CFAP263: variants seen among roughly 807,000 people sequenced by gnomAD.
CFAP263 encodes the protein cilia- and flagella-associated protein 263.
At chr16:58,261,043 C>G in the CFAP263 span, among the ~76,000 whole-genome samples, 1 of 152,086 alleles carries the variant, frequency 6.6e-6, no homozygotes, top group Non-Finnish European at 1.5e-5. Context: ...TCTGAGCGGC[C>G]CCTACCTGGA....
chr16:58,266,488 G>T, the CFAP263 span, among the ~76,000 whole-genome samples: 1 of 129,146 alleles, frequency 7.7e-6, no homozygotes, highest in Non-Finnish European at 1.6e-5. Context: ...TGGCACAATT[G>T]CAGTCTTACA....
At chr16:58,277,119 T>C in the CFAP263 span, among the ~76,000 whole-genome samples, 1 of 152,116 alleles carries the variant, frequency 6.6e-6, no homozygotes, top group African/African-American at 2.4e-5. Flanking sequence ...AAAAGGATAA[T>C]GTTAAAATTT....
At chr16:58,252,960 G>C in the CFAP263 span, 3 of 1,086,110 alleles carry the variant, frequency 2.8e-6, no homozygotes, top group South Asian at 4.1e-5. Flanking sequence ...TTGACCATGG[G>C]ACCTTCTCCC....
the CFAP263 span, among the ~76,000 whole-genome samples, chr16:58,276,589 C>T: frequency 2.6e-5 from 4 of 152,114 alleles, no homozygotes; most frequent in Non-Finnish European, 5.9e-5. Context: ...CCAAATGTCC[C>T]CTTGGGGGCA....
the CFAP263 span, among the ~76,000 whole-genome samples, chr16:58,270,467 T>G: frequency 6.6e-6 from 1 of 152,080 alleles, no homozygotes; most frequent in Admixed American, 6.5e-5. Flanking sequence ...TTTTGCACTA[T>G]CTTAAAGTAA....
the CFAP263 span, among the ~76,000 whole-genome samples, chr16:58,266,648 C>T: frequency 4.0e-5 from 6 of 151,858 alleles, no homozygotes; most frequent in Non-Finnish European, 8.8e-5. Flanking sequence ...GTTGAGCAAG[C>T]TCCCCAAATC....
chr16:58,259,843 T>C, the CFAP263 span: 4 of 1,511,624 alleles, frequency 2.6e-6, no homozygotes, highest in Non-Finnish European at 3.7e-6. Flanking sequence ...AAATATGCCT[T>C]TATGTTTTAG....
At chr16:58,261,772 C>T in the CFAP263 span, among the ~76,000 whole-genome samples, 1 of 152,214 alleles carries the variant, frequency 6.6e-6, no homozygotes, top group African/African-American at 2.4e-5. Flanking sequence ...CAGCAGTTCC[C>T]AAGTTGGGCT....
chr16:58,263,895 C>T, the CFAP263 span, among the ~76,000 whole-genome samples: 5 of 152,156 alleles, frequency 3.3e-5, no homozygotes, highest in Non-Finnish European at 7.4e-5. Flanking sequence ...ATAAGGATTG[C>T]TTGAACCCCT....
chr16:58,254,006 C>T, the CFAP263 span: 4 of 1,614,174 alleles, frequency 2.5e-6, no homozygotes, highest in South Asian at 4.4e-5. Context: ...AGTTTCGAGG[C>T]AGGCGTAGAT....
At chr16:58,259,085 A>G in the CFAP263 span, among the ~76,000 whole-genome samples, 2 of 152,156 alleles carry the variant, frequency 1.3e-5, no homozygotes, top group African/African-American at 2.4e-5. Flanking sequence ...ACAGTACCTC[A>G]GATTGATCTC....
the CFAP263 span, among the ~76,000 whole-genome samples, chr16:58,273,204 T>C: frequency 3.9e-5 from 6 of 152,248 alleles, no homozygotes. Flanking sequence ...GAGCCCTTTG[T>C]ATGTGTAGCT....
the CFAP263 span, among the ~76,000 whole-genome samples, chr16:58,279,314 G>C: frequency 6.6e-6 from 1 of 152,130 alleles, no homozygotes; most frequent in South Asian, 2.1e-4. Context: ...TCTAGACCCT[G>C]GCTCCCATTT....
chr16:58,278,864 ACT>A, the CFAP263 span, among the ~76,000 whole-genome samples: 80 of 152,010 alleles, frequency 5.3e-4, no homozygotes, highest in African/African-American at 1.8e-3. Flanking sequence ...TCAGGGAGAA[ACT>A]CTGTAGTAAT....
the CFAP263 span, among the ~76,000 whole-genome samples, chr16:58,258,979 G>T: frequency 7.2e-6 from 1 of 138,354 alleles, no homozygotes; most frequent in Non-Finnish European, 1.5e-5. Flanking sequence ...CTCCGTCTCA[G>T]AAAAAATAAA....
At chr16:58,262,136 G>C in the CFAP263 span, among the ~76,000 whole-genome samples, 83,782 of 150,344 alleles carry the variant, frequency 0.56, 23,699 homozygotes, top group African/African-American at 0.63. Flanking sequence ...GCACCACACT[G>C]TTGAGTCAAT....
At chr16:58,262,276 C>CTGAA in the CFAP263 span, 2 of 1,010,680 alleles carry the variant, frequency 2.0e-6, no homozygotes, top group Non-Finnish European at 3.0e-6. Flanking sequence ...TGCTGAATGA[C>CTGAA]TGAATGATGA....
At chr16:58,270,426 C>T in the CFAP263 span, among the ~76,000 whole-genome samples, 3 of 151,652 alleles carry the variant, frequency 2.0e-5, no homozygotes, top group Non-Finnish European at 4.4e-5. Context: ...TATCGGTACT[C>T]GAAGTATGGT....
At chr16:58,260,851 G>A in the CFAP263 span, among the ~76,000 whole-genome samples, 1 of 152,132 alleles carries the variant, frequency 6.6e-6, no homozygotes, top group Non-Finnish European at 1.5e-5. Flanking sequence ...AGCATGAAGT[G>A]ATGAAGGACA....
Sources: allele counts gnomAD v4.1 joint callset (sites outside exome capture counted in the v4.1 genomes callset), GRCh38; gene constraint gnomAD v4.1.1; transcripts MANE v1.5; gene names NCBI Gene and HGNC (gene_info 2026-07-23, HGNC 2026-07-21).